The following PCMT1 variants were observed in gnomAD, a reference collection of about 807,000 sequenced individuals.
PCMT1 encodes the protein protein-L-isoaspartate (D-aspartate) O-methyltransferase.
A neutral mutation model predicts 29.2 loss-of-function variants in PCMT1; 9 were observed. The observed-to-expected ratio is 0.31, with a 90% CI of 0.19 to 0.54. PCMT1 has a LOEUF of 0.54. Among genes scored for constraint, PCMT1 ranks in the 20% least tolerant of loss-of-function variants. The pLI is 0.95. For missense variants in PCMT1, 184 were observed against 282.2 expected (o/e 0.65, Z 2.49); for synonymous variants, 98 against 97.5 (o/e 1.00, Z -0.03).
chr6:149,787,194 G>C (rs1788144173), intron 3 of PCMT1, among the ~76,000 whole-genome samples: 1 of 146,788 alleles, frequency 6.8e-6, no homozygotes, highest in South Asian at 2.2e-4. Flanking sequence ...AGGAGAATCA[G>C]GCAGGGAGAT....
At chr6:149,758,208 C>CTTTTTTT (rs756014067) in intron 1 of PCMT1, among the ~76,000 whole-genome samples, 5 of 73,912 alleles carry the variant, frequency 6.8e-5, no homozygotes, top group East Asian at 9.9e-4. Context: ...TTCTTTCTTT[C>CTTTTTTT]TTTTTTTTTT....
chr6:149,750,821 G>A (rs1786284626), intron 1 of PCMT1, among the ~76,000 whole-genome samples: 1 of 151,916 alleles, frequency 6.6e-6, no homozygotes, highest in Non-Finnish European at 1.5e-5. Flanking sequence ...GAAATATAGC[G>A]TCCCCGTTTT....
At position 149,804,721 on chromosome 6, in the gene PCMT1, C is replaced by T. The variant is rs1313180496; in HGVS notation, c.*37+2305C>T. On this transcript the variant is annotated intron_variant, in intron 7 of 7. Transcript: ENST00000464889. ...TTCACCATGTTGGCCAGGCTGGTCT[C>T]GAACTCCTGACCTCAGGTGATCTGC... is the stretch of plus-strand genomic sequence containing the variant. Among the ~76,000 whole-genome samples the T allele has an allele frequency of 3.3e-5, 5 of 151,970 alleles. No homozygotes were observed. In the East Asian group the frequency reaches 7.7e-4, roughly 23 times the overall value.
intron 3 of PCMT1, among the ~76,000 whole-genome samples, chr6:149,786,513 T>C (rs1431030324): frequency 9.2e-6 from 1 of 108,142 alleles, no homozygotes. Flanking sequence ...TCCTCACTTC[T>C]CAGACGGGGC....
At chr6:149,803,797 GAAA>G (rs35832236) in intron 7 of PCMT1, among the ~76,000 whole-genome samples, 144 of 109,900 alleles carry the variant, frequency 1.3e-3, no homozygotes, top group African/African-American at 4.5e-3. Context: ...ACAGCCACTG[GAAA>G]AAAAAAAAAA....
chr6:149,771,114 T>C, intron 1 of PCMT1, 48 bp from the exon 2 acceptor site: 2 of 1,073,746 alleles, frequency 1.9e-6, no homozygotes, highest in Non-Finnish European at 2.9e-6. Flanking sequence ...CTAAAATATC[T>C]CTGATCATGT....
At chr6:149,776,661 C>G (rs550431686) in intron 3 of PCMT1, among the ~76,000 whole-genome samples, 11 of 152,240 alleles carry the variant, frequency 7.2e-5, no homozygotes, top group African/African-American at 2.6e-4. Context: ...GATCCTCTTG[C>G]TTTGGCCTTC....
intron 5 of PCMT1, chr6:149,795,265 T>C: frequency 5.0e-6 from 2 of 404,034 alleles, no homozygotes; most frequent in Non-Finnish European, 4.7e-6. Flanking sequence ...AGATCACAGT[T>C]CCTCTCGTCC....
At chr6:149,756,516 T>A (rs1453075653) in intron 1 of PCMT1, among the ~76,000 whole-genome samples, 6,578 of 48,132 alleles carry the variant, frequency 0.14, 1,715 homozygotes, top group African/African-American at 0.41. Context: ...GACTGGCTTT[T>A]TTTTTTTTTT....
At chr6:149,765,219 G>T (rs1051392379) in intron 1 of PCMT1, among the ~76,000 whole-genome samples, 3 of 142,136 alleles carry the variant, frequency 2.1e-5, no homozygotes, top group Non-Finnish European at 3.1e-5. Context: ...AATTAGCCGG[G>T]TGTGGTGGCG....
intron 1 of PCMT1, among the ~76,000 whole-genome samples, chr6:149,763,054 C>CTATGATATA (rs1370865173): frequency 3.7e-5 from 2 of 54,226 alleles, no homozygotes; most frequent in Non-Finnish European, 5.2e-5. Context: ...ATATGTATAT[C>CTATGATATA]TATGATATAT....
At chr6:149,756,096 GGTGA>G (rs1247465696) in intron 1 of PCMT1, among the ~76,000 whole-genome samples, 1 of 152,178 alleles carries the variant, frequency 6.6e-6, no homozygotes, top group African/African-American at 2.4e-5. Flanking sequence ...AATTGGAAAT[GGTGA>G]GTGAGTGAGC....
At chr6:149,803,213 C>G (rs1775900449) in intron 7 of PCMT1, among the ~76,000 whole-genome samples, 1 of 152,138 alleles carries the variant, frequency 6.6e-6, no homozygotes, top group Non-Finnish European at 1.5e-5. Flanking sequence ...CTTGGTTTAT[C>G]TGTTTCAACC....
intron 3 of PCMT1, among the ~76,000 whole-genome samples, chr6:149,774,248 T>C (rs1787458221): frequency 6.6e-6 from 1 of 151,478 alleles, no homozygotes; most frequent in Non-Finnish European, 1.5e-5. Context: ...TTCTTTTCTT[T>C]TTTTTTTTTG....
intron 5 of PCMT1, 126 bp from the exon 6 acceptor site, chr6:149,796,289 T>C: frequency 1.9e-6 from 1 of 531,462 alleles, no homozygotes; most frequent in Admixed American, 3.0e-5. Context: ...AAAGTGAATA[T>C]CCAGTTGTCC....
chr6:149,753,949 G>A (rs1490825193), intron 1 of PCMT1, among the ~76,000 whole-genome samples: 1 of 152,210 alleles, frequency 6.6e-6, no homozygotes, highest in African/African-American at 2.4e-5. Flanking sequence ...ATTTCTAACA[G>A]ATTTGTAAGT....
intron 7 of PCMT1, among the ~76,000 whole-genome samples, chr6:149,807,038 G>T (rs1776037630): frequency 6.6e-6 from 1 of 152,198 alleles, no homozygotes; most frequent in Non-Finnish European, 1.5e-5. Context: ...TTGCTGAGGC[G>T]ATGTGGCAGA....
Position 149,771,143 on chromosome 6 carries a change from T to C in PCMT1, c.56-19T>C, listed in dbSNP as rs746749203. 7.1e-7 allele frequency: 1 copy of C among 1,404,496 alleles called. No individual in the cohort carries two copies. The highest frequency in any genetic ancestry group is 2.3e-5 in the East Asian group (1 of 43,828). 87.0% of individuals were successfully genotyped at this position (1,404,496 alleles called of 1,614,324 possible). On this transcript the variant is annotated intron_variant, in intron 1 of 7. Transcript: ENST00000464889. ...ATCATGTCTCTCTCTTCTGAAAATA[T>C]TTGCCTCACTTGTTTCAGAAAATGG...
intron 7 of PCMT1, among the ~76,000 whole-genome samples, chr6:149,805,950 A>C (rs1776001585): frequency 6.6e-6 from 1 of 152,006 alleles, no homozygotes; most frequent in Non-Finnish European, 1.5e-5. Flanking sequence ...AAAAAAAAAA[A>C]AAAAAAATTG....
Sources: gnomAD v4.1 joint callset for allele counts (sites outside exome capture counted in the v4.1 genomes callset) on GRCh38, gnomAD v4.1.1 for gene constraint, MANE v1.5 for transcripts, NCBI Gene and HGNC (gene_info 2026-07-23, HGNC 2026-07-21) for gene names.